The following GSDMC variants were observed in gnomAD, a reference collection of about 807,000 sequenced individuals.
GSDMC encodes gasdermin C.
Under a neutral mutation model 58.0 loss-of-function variants are expected in GSDMC, and 59 were observed. That is an observed-to-expected ratio of 1.02 (90% confidence interval 0.82 to 1.26). The LOEUF (loss-of-function observed/expected upper bound fraction) is 1.26, where lower values mean the gene tolerates loss of function less well. Ranked by LOEUF, GSDMC falls within the 50% of genes most tolerant of loss-of-function variation. The pLI, the probability that GSDMC is intolerant of heterozygous loss-of-function variation, is 0.00. For synonymous variants in GSDMC, 241 were observed against 220.2 expected (o/e 1.09, Z -0.83); for missense variants, 659 against 598.5 (o/e 1.10, Z -1.06).
chr8:129,776,356 C>A, intron 2 of GSDMC, 71 bp from the exon 3 acceptor site: 1 of 1,235,980 alleles, frequency 8.1e-7, no homozygotes. Context: ...TAGCCAAGAA[C>A]AGCTGGTGTG....
At chr8:129,751,833 A>T (rs1313797808) in intron 9 of GSDMC, 29 bp downstream of exon 9, 3 of 1,184,228 alleles carry the variant, frequency 2.5e-6, no homozygotes, top group Non-Finnish European at 3.7e-6. Context: ...TGGGATCCCC[A>T]CCCCCACCTC....
At chr8:129,753,759 A>T (rs894634814) in intron 6 of GSDMC, among the ~76,000 whole-genome samples, 2 of 152,168 alleles carry the variant, frequency 1.3e-5, no homozygotes, top group African/African-American at 4.8e-5. Flanking sequence ...GGGCCACAGG[A>T]GAGCCCACTT....
In GSDMC at chr8:129,784,865, C is replaced by T. The variant is rs141121615; in HGVS notation, c.-5+1146G>A. ...ATGCAAGTGTCCATCAACAAATGAA[C>T]AGGTAAACAAAATGTGGTACATATA... On this transcript the variant is annotated intron_variant, in intron 1 of 13. Transcript: ENST00000276708. Among the ~76,000 whole-genome samples, 913 of 152,234 alleles carry T rather than the reference C, an allele frequency of 6.0e-3. 4 individuals are homozygous for T. Among genetic ancestry groups the T allele is most frequent in the Non-Finnish European group, 8.2e-3 (561 of 68,006 alleles).
Position 129,774,040 on chromosome 8 carries a change from T to G in GSDMC, c.404+2062A>C, listed in dbSNP as rs185186626. Among the ~76,000 whole-genome samples the G allele has an allele frequency of 2.5e-3, 379 of 152,172 alleles. 2 individuals carry two copies. Among genetic ancestry groups the G allele is most frequent in the African/African-American group, 8.8e-3 (366 of 41,524 alleles). On this transcript the variant is annotated intron_variant, in intron 3 of 13. Coordinates refer to ENST00000276708, the MANE Select transcript of GSDMC (RefSeq NM_031415.3). Reference sequence around the variant, plus strand: ...CTTATCAAAATGCCAATGACAATCTTCACAGAAATAGAAAAAATAATCTTA... The same window carrying G: ...CTTATCAAAATGCCAATGACAATCTGCACAGAAATAGAAAAAATAATCTTA...
At chr8:129,780,234 G>A (rs1019851757) in intron 1 of GSDMC, among the ~76,000 whole-genome samples, 2 of 152,138 alleles carry the variant, frequency 1.3e-5, no homozygotes, top group Admixed American at 6.5e-5. Flanking sequence ...TTTATGCAAA[G>A]GGAGAACTTC....
At position 129,760,577 on chromosome 8, in the gene GSDMC, G is replaced by A. The variant is rs763026962; in HGVS notation, c.689C>T (p.Ser230Leu). ...AAAGGTTCTCTGTTCATCATCATCT[G>A]AGATGAGAATGGCTGAATGGAAAAG... ...LVIKEKAILI[S>L]DDDEQRTFQD... The change falls in exon 6 of 14, where the codon TCA (serine) becomes TTA (leucine). Residue 230 changes from serine to leucine, a missense_variant. Ser to Leu is a moderately radical substitution (Grantham distance 145, BLOSUM62 -2). Coordinates refer to ENST00000276708, the MANE Select transcript of GSDMC (RefSeq NM_031415.3). The A allele has an allele frequency of 2.5e-6, 4 of 1,594,662 alleles. No homozygotes were observed. Among genetic ancestry groups the A allele is most frequent in the Non-Finnish European group, 3.4e-6 (4 of 1,162,846 alleles).
chr8:129,756,188 A>G (rs2033427241), intron 6 of GSDMC, among the ~76,000 whole-genome samples: 1 of 152,116 alleles, frequency 6.6e-6, no homozygotes, highest in Non-Finnish European at 1.5e-5. Context: ...GGAAACCAAA[A>G]AAAAAAGCAG....
At chr8:129,753,500 C>T (rs1285463660) in intron 6 of GSDMC, among the ~76,000 whole-genome samples, 1 of 152,192 alleles carries the variant, frequency 6.6e-6, no homozygotes, top group Non-Finnish European at 1.5e-5. Flanking sequence ...CAGCAGTACC[C>T]AGGTGGTATG....
intron 3 of GSDMC, among the ~76,000 whole-genome samples, chr8:129,775,450 T>C (rs1312028071): frequency 6.6e-6 from 1 of 152,170 alleles, no homozygotes; most frequent in Non-Finnish European, 1.5e-5. Flanking sequence ...ACACAGACTA[T>C]AATTAACAAT....
chr8:129,707,950 G>A, the GSDMC span, among the ~76,000 whole-genome samples: 4 of 152,264 alleles, frequency 2.6e-5, no homozygotes, highest in Admixed American at 2.6e-4. Flanking sequence ...TGTCTTGTAT[G>A]CACTTTAAGT....
At chr8:129,742,944 G>C in the GSDMC span, among the ~76,000 whole-genome samples, 16 of 152,132 alleles carry the variant, frequency 1.1e-4, 1 homozygote, top group East Asian at 3.1e-3. Flanking sequence ...ATTTTGCTTT[G>C]CTTTTTATCA....
At chr8:129,741,915 A>AATATATATATATATATATATATAT in the GSDMC span, among the ~76,000 whole-genome samples, 254 of 126,080 alleles carry the variant, frequency 2.0e-3, 4 homozygotes, top group East Asian at 7.7e-3. Flanking sequence ...AAGAAAATGT[A>AATATATATATATATATATATATAT]ATATATATAT....
intron 1 of GSDMC, among the ~76,000 whole-genome samples, chr8:129,778,312 G>A (rs2034307299): frequency 6.6e-6 from 1 of 152,160 alleles, no homozygotes; most frequent in African/African-American, 2.4e-5. Context: ...AGAAGAAAGT[G>A]AGGGCAAGTT....
At chr8:129,776,320 A>G in intron 2 of GSDMC, 35 bp from the exon 3 acceptor site, 1 of 1,511,630 alleles carries the variant, frequency 6.6e-7, no homozygotes, top group Non-Finnish European at 8.9e-7. Flanking sequence ...GGTTTAGCCA[A>G]GAATTCATTC....
chr8:129,779,029 AC>A (rs1563815237), intron 1 of GSDMC, among the ~76,000 whole-genome samples: 1 of 152,212 alleles, frequency 6.6e-6, no homozygotes. Context: ...AATTAGTTCA[AC>A]CACTGTGAAA....
intron 3 of GSDMC, among the ~76,000 whole-genome samples, chr8:129,772,347 G>A (rs1358863432): frequency 6.6e-6 from 1 of 151,350 alleles, no homozygotes; most frequent in Admixed American, 6.6e-5. Flanking sequence ...TAAAACTGAG[G>A]GGTTTTTTGA....
At chr8:129,710,040 T>TA in the GSDMC span, among the ~76,000 whole-genome samples, 1 of 152,254 alleles carries the variant, frequency 6.6e-6, no homozygotes, top group Non-Finnish European at 1.5e-5. Context: ...ACACAGTTGG[T>TA]AATTAACAAG....
intron 1 of GSDMC, among the ~76,000 whole-genome samples, chr8:129,779,219 T>A (rs150984327): frequency 6.6e-6 from 1 of 152,062 alleles, no homozygotes; most frequent in African/African-American, 2.4e-5. Flanking sequence ...TAAATGCCCA[T>A]CAACTATGGA....
chr8:129,742,490 T>C, the GSDMC span, among the ~76,000 whole-genome samples: 1 of 152,134 alleles, frequency 6.6e-6, no homozygotes, highest in Non-Finnish European at 1.5e-5. Flanking sequence ...TTGCAAGCCA[T>C]CCAACCAGGG....
Sources: gnomAD v4.1 joint callset for allele counts (sites outside exome capture counted in the v4.1 genomes callset) on GRCh38, gnomAD v4.1.1 for gene constraint, MANE v1.5 for transcripts, NCBI Gene and HGNC (gene_info 2026-07-23, HGNC 2026-07-21) for gene names.